Variants in CES3 observed in about 807,000 individuals in gnomAD.
CES3 encodes the protein carboxylesterase 3 (brain).
CES3 carries 49 observed loss-of-function variants against 57.6 expected under a neutral mutation model. The observed-to-expected ratio is 0.85, with a 90% CI of 0.68 to 1.08. The LOEUF is 1.08. CES3 is among the 50% of genes least tolerant of loss of function. The probability of loss-of-function intolerance (pLI) is 0.00; values close to 1 mark genes in which losing one functional copy is unlikely to be tolerated. For synonymous variants in CES3, 266 were observed against 281.6 expected, an observed-to-expected ratio of 0.94 and a Z score of 0.55; for missense variants, 645 against 742.0, an observed-to-expected ratio of 0.87 and a Z score of 1.52.
At position 66,963,509 on chromosome 16, in the gene CES3, G is replaced by A. The variant is rs779547870; in HGVS notation, c.306G>A (p.Glu102=). Residue 102 remains glutamate (E), a synonymous_variant, in exon 3 of 13, where the codon GAG becomes GAA. Transcript: ENST00000303334. This position sits in a 1 kb window ranked among gnomAD's most constrained non-coding sequence, Gnocchi z 4.9. ...GCCACAGGTGCCTACAAGACGTGGA[G>A]AGCATGAACAGCAGCAGATTTGTCC... ...TAPPMCLQDV[E]SMNSSRFVLN... 1 of 1,613,914 alleles carries A rather than the reference G, an allele frequency of 6.2e-7. No individual in the cohort carries two copies. The highest frequency in any genetic ancestry group is 1.6e-4 in the Middle Eastern group (1 of 6,082).
In CES3 at chr16:66,972,485, T is replaced by C; in HGVS notation, c.1421T>C (p.Met474Thr). Reference protein sequence around the residue: ...GAFVFGGPFLMDESSRLAFPE... With the variant: ...GAFVFGGPFLTDESSRLAFPE... ...TTTGTGTTCGGAGGTCCCTTCCTCA[T>C]GGACGAGAGCTCCCGCCTGGGTGAG... The change falls in exon 11 of 13, where the codon ATG (methionine) becomes ACG (threonine). Residue 474 changes from methionine to threonine, a missense_variant. By Grantham distance (81) the Met-to-Thr change is moderately conservative. Coordinates refer to ENST00000303334, the MANE Select transcript of CES3 (RefSeq NM_024922.6). 6.2e-7 allele frequency: 1 copy of C among 1,613,520 alleles called. No individual in the cohort carries two copies. Among genetic ancestry groups the C allele is most frequent in the Non-Finnish European group, 8.5e-7 (1 of 1,179,802 alleles).
chr16:66,963,300 G>A lies in CES3; in HGVS notation c.204G>A (p.Pro68=), dbSNP rs182380930. The A allele has an allele frequency of 2.7e-5, 43 of 1,613,858 alleles. No homozygotes were observed. In the East Asian group the frequency reaches 4.7e-4, roughly 18 times the overall value. Residue 68 remains proline, a synonymous_variant, in exon 2 of 13, where the codon CCG becomes CCA. Transcript: ENST00000303334. This position sits in a 1 kb window ranked among gnomAD's most constrained non-coding sequence, Gnocchi z 4.9. ...NVFLGIPFAQ[P]PLGPDRFSAP... ...TTCTGGGCATTCCATTTGCCCAGCCGCCACTGGGCCCTGACCGGTTCTCAG... is the reference window on the plus strand; with the variant it reads ...TTCTGGGCATTCCATTTGCCCAGCCACCACTGGGCCCTGACCGGTTCTCAG...
chr16:66,961,377 GC>G lies in CES3; in HGVS notation c.72del (p.Thr25GlnfsTer12). 6.2e-7 allele frequency: 1 copy of G among 1,612,262 alleles called. No individual in the cohort carries two copies. On this transcript the variant is annotated frameshift_variant, in exon 1 of 13. Transcript: ENST00000303334. LOFTEE classifies it high-confidence loss of function. Reference protein sequence around the residue: ...GVVCLLLACPATATGPEVAQP... With the variant: ...GVVCLLLACPXTATGPEVAQP... ...GGTCTGTCTGCTCCTGGCATGCCCT[GC>G]CACAGCCACTGGTAAGACACACCTG...
chr16:66,963,734 T>C lies in CES3; in HGVS notation c.427-68T>C, dbSNP rs1401260629. 2.5e-6 allele frequency: 4 copies of C among 1,609,456 alleles called. No individual in the cohort carries two copies. The highest frequency in any genetic ancestry group is 4.5e-5 in the East Asian group (2 of 44,710). On this transcript the variant is annotated intron_variant, in intron 3 of 12. Transcript: ENST00000303334. This position sits in a 1 kb window ranked among gnomAD's most constrained non-coding sequence, Gnocchi z 4.9. ...GCACCCTAGCGGTCCTGAGACTGCC[T>C]GGGCTGGCAGGTGGGCAGCTAAGGT...
rs958058583 is a variant in CES3 at position 66,961,360 on chromosome 16, T to C, written c.53T>C (p.Leu18Pro). 3.1e-6 allele frequency: 5 copies of C among 1,613,274 alleles called. No individual in the cohort carries two copies. Among genetic ancestry groups the C allele is most frequent in the Non-Finnish European group, 3.4e-6 (4 of 1,179,812 alleles). The change falls in exon 1 of 13, where the codon CTG becomes CCG. Residue 18 changes from leucine to proline, a missense_variant. Transcript: ENST00000303334. The part of the protein sequence containing the change: ...ESGVLVGVVC[L>P]LLACPATATG... ...GGGGTCCTGGTCGGGGTGGTCTGTC[T>C]GCTCCTGGCATGCCCTGCCACAGCC...
chr16:66,966,613 C>T lies in CES3; in HGVS notation c.922-112C>T, dbSNP rs896744382. On this transcript the variant is annotated intron_variant, in intron 7 of 12. Transcript: ENST00000303334. ...TTAACCCTGGTGATCTTCATCCCTTCACTTTCCCTCCAGGCTCAGACACTC... is the reference window on the plus strand; with the variant it reads ...TTAACCCTGGTGATCTTCATCCCTTTACTTTCCCTCCAGGCTCAGACACTC... 14 of 1,384,030 alleles carry T rather than the reference C, an allele frequency of 1.0e-5. No homozygotes were observed. In the African/African-American group the frequency reaches 1.9e-4, roughly 18 times the overall value. The allele number at this position is 1,384,030 out of a possible 1,614,324, so 85.7% of individuals were successfully genotyped here. A position where few individuals can be genotyped will look rare whatever the true frequency, so the allele number is the denominator to read the frequency against.
chr16:66,962,846 A>G (rs1023535856), intron 1 of CES3, among the ~76,000 whole-genome samples: 6 of 152,058 alleles, frequency 3.9e-5, no homozygotes, highest in South Asian at 4.2e-4. Context: ...GCAGTGAGCC[A>G]AGATCGTGCC....
chr16:66,969,115 G>A (rs898796253), intron 8 of CES3, among the ~76,000 whole-genome samples: 3 of 151,800 alleles, frequency 2.0e-5, no homozygotes, highest in African/African-American at 4.8e-5. Flanking sequence ...TTAGAAGTTG[G>A]GTGACTCAGG....
Position 66,963,222 on chromosome 16 carries a change from T to C in CES3, c.126T>C (p.Arg42=). ...AQPEVDTTLG[R]VRGRQVGVKG... ...CTGAAGTAGACACCACCCTGGGTCG[T>C]GTGCGAGGCCGGCAGGTGGGCGTGA... The change falls in exon 2 of 13, where the codon CGT becomes CGC. Residue 42 remains arginine (R), a synonymous_variant. Transcript: ENST00000303334. The surrounding 1 kb of genome is among the most constrained non-coding windows in gnomAD (Gnocchi z 4.9). 1 of 1,614,220 alleles carries C rather than the reference T, an allele frequency of 6.2e-7. No homozygotes were observed. The highest frequency in any genetic ancestry group is 8.5e-7 in the Non-Finnish European group (1 of 1,180,036).
Position 66,964,341 on chromosome 16 carries a change from C to G in CES3, c.561-16C>G. On this transcript the variant is annotated splice_polypyrimidine_tract_variant and intron_variant, in intron 4 of 12. Coordinates refer to ENST00000303334, the MANE Select transcript of CES3 (RefSeq NM_024922.6). Reference sequence around the variant, plus strand: ...GAGCCAGGCTGAACTAACCGTTGCCCCAACACTGCCCCCAGCACTGGAGAT... The same window carrying G: ...GAGCCAGGCTGAACTAACCGTTGCCGCAACACTGCCCCCAGCACTGGAGAT... The G allele has an allele frequency of 6.2e-7, 1 of 1,612,394 alleles. No homozygotes were observed.
Position 66,973,095 on chromosome 16 carries a change from G to A in CES3, c.*46G>A, listed in dbSNP as rs1464893116. 3 of 1,568,024 alleles carry A rather than the reference G, an allele frequency of 1.9e-6. No individual in the cohort carries two copies. The highest frequency in any genetic ancestry group is 1.7e-5 in the Admixed American group (1 of 57,888). On this transcript the variant is annotated 3_prime_UTR_variant, in exon 13 of 13. Transcript: ENST00000303334. ...GGCTGGGGCAAACCACTCTTCAAGT[G>A]GTGGCAGAGTCCCAGCACGGCAGCC...
intron 8 of CES3, 76 bp downstream of exon 8, chr16:66,966,941 G>A (rs370379562): frequency 1.2e-5 from 19 of 1,553,950 alleles, no homozygotes; most frequent in African/African-American, 6.8e-5. Context: ...CAACACTACA[G>A]CCTTGTGAAC....
At chr16:66,964,820 C>A in intron 6 of CES3, 93 bp downstream of exon 6, 1 of 943,466 alleles carries the variant, frequency 1.1e-6, no homozygotes. Flanking sequence ...GGTTTGCTGG[C>A]AGGGAGCTCC....
At position 66,973,288 on chromosome 16, in the gene CES3, A is replaced by G. The variant is rs554155642; in HGVS notation, c.*239A>G. Reference sequence around the variant, plus strand: ...GTGCCTTTCCTGCTTTCTTCGTGGTAGGTTCTAGCACATTCCTCTAGCTTC... The same window carrying G: ...GTGCCTTTCCTGCTTTCTTCGTGGTGGGTTCTAGCACATTCCTCTAGCTTC... On this transcript the variant is annotated 3_prime_UTR_variant, in exon 13 of 13. Coordinates refer to ENST00000303334, the MANE Select transcript of CES3 (RefSeq NM_024922.6). 1.1e-4 allele frequency: 58 copies of G among 519,210 alleles called. 1 individual carries two copies. In the Middle Eastern group the frequency reaches 6.3e-3, roughly 56 times the overall value. The allele number at this position is 519,210 out of a possible 1,614,324, so 32.2% of individuals were successfully genotyped here. A position where few individuals can be genotyped will look rare whatever the true frequency, so the allele number is the denominator to read the frequency against.
Position 66,973,189 on chromosome 16 carries a change from T to TTATGC in CES3, c.*142_*146dup. ...AGTGTCGGCCGCTCTGTGACTGGAG[T>TTATGC]TATGCTCTTTTGAAATGTCACAAGG... On this transcript the variant is annotated 3_prime_UTR_variant, in exon 13 of 13. Transcript: ENST00000303334. The TTATGC allele has an allele frequency of 1.4e-6, 1 of 732,906 alleles. No homozygotes were observed. The highest frequency in any genetic ancestry group is 2.2e-6 in the Non-Finnish European group (1 of 449,426). The allele number at this position is 732,906 out of a possible 1,614,324, so 45.4% of individuals were successfully genotyped here.
chr16:66,972,369 T>C lies in CES3; in HGVS notation c.1305T>C (p.Pro435=). 1.2e-6 allele frequency: 2 copies of C among 1,601,946 alleles called. No individual in the cohort carries two copies. Among genetic ancestry groups the C allele is most frequent in the South Asian group, 1.1e-5 (1 of 89,338 alleles). ...CTTTCTCTGTAGATTCTGGAAGCCC[T>C]GTCTTTTTCTATGAGTTCCAGCATC... The part of the protein sequence containing the change: ...FSRYLRDSGS[P]VFFYEFQHRP... The change falls in exon 11 of 13, where the codon CCT becomes CCC. Residue 435 remains proline, a synonymous_variant. Coordinates refer to ENST00000303334, the MANE Select transcript of CES3 (RefSeq NM_024922.6).
chr16:66,965,439 T>C (rs1312633351), intron 6 of CES3, among the ~76,000 whole-genome samples: 19 of 152,148 alleles, frequency 1.2e-4, no homozygotes, highest in Non-Finnish European at 1.0e-4. Context: ...AGGGGGCAAA[T>C]GTGAGCAGGA....
intron 7 of CES3, 49 bp downstream of exon 7, chr16:66,966,394 T>A: frequency 6.4e-7 from 1 of 1,565,766 alleles, no homozygotes; most frequent in Non-Finnish European, 8.8e-7. Context: ...ACAGAGGGGG[T>A]TCTATCCATC....
intron 4 of CES3, 99 bp downstream of exon 4, chr16:66,964,034 A>G: frequency 6.6e-7 from 1 of 1,523,648 alleles, no homozygotes. Flanking sequence ...ACCTGAAGGG[A>G]GGGCCCCTTA....
Sources: allele counts gnomAD v4.1 joint callset (sites outside exome capture counted in the v4.1 genomes callset), GRCh38; gene constraint gnomAD v4.1.1; non-coding constraint Gnocchi (gnomAD v3.1); transcripts MANE v1.5; gene names NCBI Gene and HGNC (gene_info 2026-07-23, HGNC 2026-07-21).